Variants in GMDS observed in about 807,000 individuals in gnomAD.
GMDS encodes GDP-mannose 4,6 dehydratase.
GMDS carries 20 observed loss-of-function variants against 49.9 expected under a neutral mutation model. That is an observed-to-expected ratio of 0.40 (90% CI 0.28 to 0.58). The LOEUF is 0.58. Ranked by LOEUF, GMDS falls within the 20% of genes least tolerant of loss-of-function variation. The pLI, the probability that GMDS is intolerant of heterozygous loss-of-function variation, is 0.42. For missense variants in GMDS, 362 were observed against 481.4 expected (o/e 0.75, Z 2.32); for synonymous variants, 177 against 178.6 (o/e 0.99, Z 0.07).
At chr6:1,673,903 T>C (rs1293553862) in intron 9 of GMDS, among the ~76,000 whole-genome samples, 2 of 134,828 alleles carry the variant, frequency 1.5e-5, no homozygotes, top group African/African-American at 2.6e-5. Context: ...GAGCATTCCA[T>C]TGGATGAACG....
At chr6:1,847,609 T>C (rs1347123264) in intron 7 of GMDS, among the ~76,000 whole-genome samples, 1 of 152,218 alleles carries the variant, frequency 6.6e-6, no homozygotes, top group East Asian at 1.9e-4. Flanking sequence ...GTGTGTCCAA[T>C]ACAGAACTCA....
intron 1 of GMDS, among the ~76,000 whole-genome samples, chr6:2,174,924 A>G (rs1048152560): frequency 6.6e-6 from 1 of 152,138 alleles, no homozygotes; most frequent in African/African-American, 2.4e-5. Flanking sequence ...AGGAAACAGG[A>G]TAAGACATGC....
At chr6:1,895,237 C>T (rs75001862) in intron 7 of GMDS, among the ~76,000 whole-genome samples, 221 of 152,298 alleles carry the variant, frequency 1.5e-3, no homozygotes, top group African/African-American at 4.9e-3. Flanking sequence ...GCCTTCCGTC[C>T]ACCATTTACT....
intron 4 of GMDS, among the ~76,000 whole-genome samples, chr6:2,069,996 T>C (rs1186435492): frequency 2.6e-5 from 4 of 151,370 alleles, no homozygotes; most frequent in Admixed American, 1.3e-4. Context: ...TTATTCACAA[T>C]AGCAAAGACT....
intron 6 of GMDS, among the ~76,000 whole-genome samples, chr6:1,953,512 T>C (rs1276658540): frequency 6.6e-6 from 1 of 152,222 alleles, no homozygotes; most frequent in Non-Finnish European, 1.5e-5. Context: ...TACACTCATA[T>C]TAGTGTTATT....
chr6:1,650,110 C>T (rs937929650), intron 9 of GMDS, among the ~76,000 whole-genome samples: 3 of 152,200 alleles, frequency 2.0e-5, no homozygotes, highest in Non-Finnish European at 4.4e-5. Flanking sequence ...TAGGTTCCCT[C>T]GGCCACGCAG....
At chr6:1,935,463 T>C (rs1456947081) in intron 6 of GMDS, among the ~76,000 whole-genome samples, 1 of 152,214 alleles carries the variant, frequency 6.6e-6, no homozygotes, top group East Asian at 1.9e-4. Flanking sequence ...ATGATTACAT[T>C]ACAATGTTAA....
chr6:1,901,930 G>T lies in GMDS; in HGVS notation c.771+28173C>A, dbSNP rs530865068. ...ACACAGAGGGGAGACAGGGAAAAGG[G>T]CTACTGTGGGTGCTCAGATGACTTC... On this transcript the variant is annotated intron_variant, in intron 7 of 10. Transcript: ENST00000380815. Among the ~76,000 whole-genome samples the T allele has an allele frequency of 1.3e-3, 197 of 152,330 alleles. 1 individual carries two copies. The highest frequency in any genetic ancestry group is 2.2e-3 in the Non-Finnish European group (151 of 68,026).
chr6:2,111,157 C>T (rs1241544639), intron 4 of GMDS, among the ~76,000 whole-genome samples: 1 of 152,156 alleles, frequency 6.6e-6, no homozygotes, highest in Non-Finnish European at 1.5e-5. Flanking sequence ...TAAAGTTAAA[C>T]AATTAAGCAA....
chr6:2,049,071 G>A (rs1489600300), intron 4 of GMDS, among the ~76,000 whole-genome samples: 2 of 152,152 alleles, frequency 1.3e-5, no homozygotes, highest in Non-Finnish European at 2.9e-5. Flanking sequence ...GGAAGGAAGC[G>A]AGCCCTCAAC....
chr6:1,885,580 T>C (rs985737830), intron 7 of GMDS, among the ~76,000 whole-genome samples: 14 of 152,140 alleles, frequency 9.2e-5, no homozygotes, highest in Non-Finnish European at 1.9e-4. Flanking sequence ...AAGATCACAG[T>C]GGAAAGTGAC....
intron 7 of GMDS, among the ~76,000 whole-genome samples, chr6:1,829,931 C>G (rs1581231986): frequency 6.6e-6 from 1 of 152,178 alleles, no homozygotes; most frequent in African/African-American, 2.4e-5. Flanking sequence ...AATTCAGAAT[C>G]CTTTTTCTGT....
chr6:1,926,351 G>A (rs1224936144), intron 7 of GMDS, among the ~76,000 whole-genome samples: 2 of 152,182 alleles, frequency 1.3e-5, no homozygotes, highest in Non-Finnish European at 2.9e-5. Flanking sequence ...AGATACTGCT[G>A]TGGGGTTGAG....
chr6:1,946,450 G>A (rs1256306708), intron 6 of GMDS, among the ~76,000 whole-genome samples: 1 of 152,184 alleles, frequency 6.6e-6, no homozygotes, highest in Non-Finnish European at 1.5e-5. Context: ...TAAAAGAGAT[G>A]AGTGACAGAG....
intron 7 of GMDS, among the ~76,000 whole-genome samples, chr6:1,796,636 A>T (rs949347192): frequency 1.3e-5 from 2 of 152,214 alleles, no homozygotes; most frequent in Non-Finnish European, 2.9e-5. Context: ...GAACTTCTAC[A>T]TACACTTGCT....
intron 4 of GMDS, among the ~76,000 whole-genome samples, chr6:1,993,325 G>C (rs766420769): frequency 3.3e-5 from 5 of 152,082 alleles, no homozygotes; most frequent in Non-Finnish European, 7.3e-5. Context: ...CCTCAATCCT[G>C]AATTAGGTAA....
intron 1 of GMDS, among the ~76,000 whole-genome samples, chr6:2,209,227 T>A (rs1011246891): frequency 1.3e-5 from 2 of 152,196 alleles, no homozygotes; most frequent in Non-Finnish European, 2.9e-5. Flanking sequence ...AAAATACACT[T>A]GGTTGAAAAA....
At chr6:2,068,651 G>A (rs929006767) in intron 4 of GMDS, among the ~76,000 whole-genome samples, 1 of 152,072 alleles carries the variant, frequency 6.6e-6, no homozygotes, top group Non-Finnish European at 1.5e-5. Context: ...AATCATGGGT[G>A]AACTCCCATT....
At chr6:2,013,396 A>C (rs1196559313) in intron 4 of GMDS, among the ~76,000 whole-genome samples, 1 of 151,946 alleles carries the variant, frequency 6.6e-6, no homozygotes, top group Non-Finnish European at 1.5e-5. Flanking sequence ...AGCTTTCAAC[A>C]AAAAAAATGA....
Sources: allele counts gnomAD v4.1 joint callset (sites outside exome capture counted in the v4.1 genomes callset), GRCh38; gene constraint gnomAD v4.1.1; transcripts MANE v1.5; gene names NCBI Gene and HGNC (gene_info 2026-07-23, HGNC 2026-07-21).